Variants in NLGN4X observed in about 807,000 individuals in gnomAD.
NLGN4X encodes the protein neuroligin-4, X-linked.
A neutral mutation model predicts 40.3 loss-of-function variants in NLGN4X; 3 were observed. The observed-to-expected ratio is 0.07, with a 90% CI of 0.03 to 0.19. The LOEUF (loss-of-function observed/expected upper bound fraction) is 0.19, where lower values mean the gene tolerates loss of function less well. NLGN4X is among the 10% of genes least tolerant of loss of function. The probability of loss-of-function intolerance (pLI) is 1.00; values close to 1 mark genes in which losing one functional copy is unlikely to be tolerated. For missense variants in NLGN4X, 382 were observed against 708.3 expected, an observed-to-expected ratio of 0.54 and a Z score of 5.23; for synonymous variants, 270 against 306.8, an observed-to-expected ratio of 0.88 and a Z score of 1.25.
intron 3 of NLGN4X, among the ~76,000 whole-genome samples, chrX:5,959,162 C>T (rs1414694670): frequency 8.9e-6 from 1 of 111,753 alleles, no homozygotes; most frequent in Admixed American, 9.5e-5. Context: ...TAGCTCTTTG[C>T]CTCTCAAGTC....
At chrX:6,205,736 G>A (rs1923980780) in intron 1 of NLGN4X, among the ~76,000 whole-genome samples, 1 of 112,006 alleles carries the variant, frequency 8.9e-6, no homozygotes, top group Non-Finnish European at 1.9e-5. Context: ...CAATTTCAGT[G>A]CAATTTCAAT....
chrX:6,175,655 G>GAAAAAAAAAAAAAAAAAAAAAAAAA (rs3045369), intron 1 of NLGN4X, among the ~76,000 whole-genome samples: 2 of 60,997 alleles, frequency 3.3e-5, no homozygotes, highest in African/African-American at 1.3e-4. Context: ...ATCTATTACA[G>GAAAAAAAAAAAAAAAAAAAAAAAAA]AAAAAAAAAA....
At chrX:6,161,569 T>C (rs181687000) in intron 1 of NLGN4X, among the ~76,000 whole-genome samples, 1,212 of 106,149 alleles carry the variant, frequency 0.011, 10 homozygotes, top group Non-Finnish European at 0.019. Flanking sequence ...AGAAATACTT[T>C]ATATATATAA....
At chrX:6,040,378 C>G (rs1166109165) in intron 2 of NLGN4X, among the ~76,000 whole-genome samples, 1 of 111,347 alleles carries the variant, frequency 9.0e-6, no homozygotes, top group Non-Finnish European at 1.9e-5. Context: ...AGTCTGTTGT[C>G]TTTAACCATT....
intron 2 of NLGN4X, among the ~76,000 whole-genome samples, chrX:6,071,991 A>G (rs1453177859): frequency 9.0e-6 from 1 of 110,883 alleles, no homozygotes; most frequent in Non-Finnish European, 1.9e-5. Flanking sequence ...AACACTCCAT[A>G]GGAACCATCC....
intron 2 of NLGN4X, among the ~76,000 whole-genome samples, chrX:6,079,768 A>T (rs977661281): frequency 2.7e-5 from 3 of 112,318 alleles, no homozygotes; most frequent in African/African-American, 9.7e-5. Flanking sequence ...AATAATTGGC[A>T]TCATCCTGTG....
chrX:6,041,245 G>C (rs2037149007), intron 2 of NLGN4X, among the ~76,000 whole-genome samples: 1 of 111,626 alleles, frequency 9.0e-6, no homozygotes, highest in Non-Finnish European at 1.9e-5. Context: ...CTAGACTGAA[G>C]AGCCTCCCAG....
At chrX:6,087,057 C>T (rs1467451879) in intron 2 of NLGN4X, among the ~76,000 whole-genome samples, 2 of 111,787 alleles carry the variant, frequency 1.8e-5, no homozygotes, top group Admixed American at 9.5e-5. Context: ...GCTTTTTATA[C>T]ACACCTAGAA....
intron 1 of NLGN4X, among the ~76,000 whole-genome samples, chrX:6,212,200 G>A (rs913895433): frequency 2.3e-3 from 248 of 106,958 alleles, no homozygotes; most frequent in Admixed American, 4.2e-3. Context: ...AGCCAAGGTC[G>A]CGCCACTGCA....
intron 2 of NLGN4X, among the ~76,000 whole-genome samples, chrX:6,033,905 G>A (rs1372510513): frequency 2.7e-5 from 3 of 112,041 alleles, no homozygotes; most frequent in African/African-American, 3.3e-5. Flanking sequence ...CTTTAACTGC[G>A]TCAATCAATC....
chrX:6,050,810 A>ATCTAT (rs1569208851), intron 2 of NLGN4X, among the ~76,000 whole-genome samples: 7 of 50,913 alleles, frequency 1.4e-4, no homozygotes, highest in African/African-American at 2.2e-4. Flanking sequence ...TATCTATCTA[A>ATCTAT]CTATCTATAT....
intron 3 of NLGN4X, among the ~76,000 whole-genome samples, chrX:5,919,603 C>T (rs768306470): frequency 1.4e-4 from 16 of 111,280 alleles, no homozygotes; most frequent in Non-Finnish European, 2.3e-4. Context: ...ACATTACCAC[C>T]TGAGCTCCAC....
At chrX:6,124,477 T>C (rs1602274242) in intron 2 of NLGN4X, among the ~76,000 whole-genome samples, 1 of 111,012 alleles carries the variant, frequency 9.0e-6, no homozygotes. Context: ...AGGCCAGGAG[T>C]TGGAGACCAG....
At chrX:5,918,952 T>C (rs1283501612) in intron 3 of NLGN4X, among the ~76,000 whole-genome samples, 1 of 112,488 alleles carries the variant, frequency 8.9e-6, no homozygotes, top group African/African-American at 3.2e-5. Context: ...AAGTTTATTG[T>C]TAGAATTGCC....
In NLGN4X at chrX:6,012,537, G is replaced by A. The variant is rs183584521; in HGVS notation, c.625+16743C>T. Among the ~76,000 whole-genome samples, 206 of 111,779 alleles carry A rather than the reference G, an allele frequency of 1.8e-3. 1 individual carries two copies. The highest frequency in any genetic ancestry group is 5.9e-3 in the African/African-American group (182 of 30,760). On this transcript the variant is annotated intron_variant, in intron 3 of 5. Coordinates refer to ENST00000381095, the MANE Select transcript of NLGN4X (RefSeq NM_181332.3). Reference sequence around the variant, plus strand: ...TACATATATATTGCAATAATGATGTGTTGGGTGGAGTGGGTTGCGTAATAT... The same window carrying A: ...TACATATATATTGCAATAATGATGTATTGGGTGGAGTGGGTTGCGTAATAT...
At chrX:6,172,847 C>T in intron 1 of NLGN4X, among the ~76,000 whole-genome samples, 1 of 112,157 alleles carries the variant, frequency 8.9e-6, no homozygotes, top group Non-Finnish European at 1.9e-5. Context: ...GAATACTTTT[C>T]TCTGCCAGTT....
intron 2 of NLGN4X, among the ~76,000 whole-genome samples, chrX:6,110,889 CACAG>C (rs1457687348): frequency 9.0e-6 from 1 of 111,543 alleles, no homozygotes; most frequent in Admixed American, 9.5e-5. Context: ...TGAATCTGCA[CACAG>C]ACAGAGGACT....
At chrX:5,901,961 A>G (rs987476787) in intron 5 of NLGN4X, among the ~76,000 whole-genome samples, 1 of 108,943 alleles carries the variant, frequency 9.2e-6, no homozygotes, top group African/African-American at 3.3e-5. Context: ...AGGAATATAT[A>G]TTTATATTTC....
chrX:6,096,570 C>T (rs1329210489), intron 2 of NLGN4X, among the ~76,000 whole-genome samples: 1 of 111,748 alleles, frequency 8.9e-6, no homozygotes, highest in African/African-American at 3.3e-5. Context: ...TGTCCCTAGA[C>T]TCCTCAAAGG....
Sources: gnomAD v4.1 joint callset for allele counts (sites outside exome capture counted in the v4.1 genomes callset) on GRCh38, gnomAD v4.1.1 for gene constraint, MANE v1.5 for transcripts, NCBI Gene and HGNC (gene_info 2026-07-23, HGNC 2026-07-21) for gene names.